The following ZNF676 variants were observed in gnomAD, a reference collection of about 807,000 sequenced individuals.
The protein encoded by ZNF676 is zinc finger protein 676.
Under a neutral mutation model 6.0 loss-of-function variants are expected in ZNF676, and 4 were observed. The ratio of observed to expected loss-of-function variants is 0.67; its 90% confidence interval spans 0.33 to 1.53. The LOEUF is 1.53. Among genes scored for constraint, ZNF676 ranks in the 40% most tolerant of loss-of-function variants. The pLI, the probability that ZNF676 is intolerant of heterozygous loss-of-function variation, is 0.06. For missense variants in ZNF676, 644 were observed against 679.7 expected (o/e 0.95, Z 0.58); for synonymous variants, 198 against 223.1 (o/e 0.89, Z 1.00).
intron 2 of ZNF676, among the ~76,000 whole-genome samples, chr19:22,183,668 C>T (rs1407895232): frequency 3.9e-5 from 6 of 152,168 alleles, no homozygotes; most frequent in African/African-American, 4.8e-5. Context: ...TATCAAGATC[C>T]AACTTGCCTT....
chr19:22,240,099 G>C, the ZNF676 span, among the ~76,000 whole-genome samples: 1 of 152,278 alleles, frequency 6.6e-6, no homozygotes, highest in South Asian at 2.1e-4. Context: ...TAAATGCTGG[G>C]CCTGGCCATA....
chr19:22,182,663 TAAAAG>T (rs1166193372), intron 2 of ZNF676, among the ~76,000 whole-genome samples: 1 of 80,168 alleles, frequency 1.2e-5, no homozygotes, highest in Non-Finnish European at 2.4e-5. Flanking sequence ...CTGTCCTGCC[TAAAAG>T]AAAAAAAAAA....
chr19:22,227,675 G>A, the ZNF676 span, among the ~76,000 whole-genome samples: 7 of 152,116 alleles, frequency 4.6e-5, no homozygotes, highest in Non-Finnish European at 7.4e-5. Flanking sequence ...ATAATCAAGA[G>A]GGTATTGGCA....
At chr19:22,223,973 C>T in the ZNF676 span, among the ~76,000 whole-genome samples, 9 of 151,106 alleles carry the variant, frequency 6.0e-5, no homozygotes, top group East Asian at 1.9e-4. Flanking sequence ...GCATATATAA[C>T]GATGAAATTT....
At chr19:22,189,428 C>T (rs1804882563) in intron 2 of ZNF676, among the ~76,000 whole-genome samples, 1 of 151,968 alleles carries the variant, frequency 6.6e-6, no homozygotes, top group Non-Finnish European at 1.5e-5. Context: ...TAGAAGAAAA[C>T]CTAGAGAATA....
At chr19:22,251,714 GGAGCCAGAGTTGCAGT>G in the ZNF676 span, among the ~76,000 whole-genome samples, 14 of 151,240 alleles carry the variant, frequency 9.3e-5, no homozygotes, top group African/African-American at 3.4e-4. Context: ...CTTGAACCTG[GGAGCCAGAGTTGCAGT>G]GAGCCAAGAT....
upstream of ZNF676, among the ~76,000 whole-genome samples, chr19:22,217,341 TTA>T (rs1373596197): frequency 6.6e-6 from 1 of 152,146 alleles, no homozygotes; most frequent in Non-Finnish European, 1.5e-5. Flanking sequence ...GTATCTGGGA[TTA>T]TAGGCATGTG....
At chr19:22,182,594 A>AAAAAAAAAAAAAAC (rs2023774097) in intron 2 of ZNF676, among the ~76,000 whole-genome samples, 3 of 88,730 alleles carry the variant, frequency 3.4e-5, no homozygotes, top group African/African-American at 4.7e-5. Context: ...CTAAAAAAAA[A>AAAAAAAAAAAAAAC]AAAAAAAAGC....
chr19:22,192,785 T>G (rs769422851), intron 2 of ZNF676, among the ~76,000 whole-genome samples: 1 of 152,190 alleles, frequency 6.6e-6, no homozygotes, highest in Non-Finnish European at 1.5e-5. Context: ...ACTTTGGCTA[T>G]CACTGTAAAC....
In ZNF676 at chr19:22,180,701, C is replaced by T; in HGVS notation, c.1016G>A (p.Cys339Tyr). ...ATTAAAAGCTTTCCCGCATTCTTCA[C>T]ATTTGTAGGGTTTCTCTCCAGCATG... ...RIHAGEKPYK[C>Y]EECGKAFNRS... The change falls in exon 3 of 3, where the codon TGT becomes TAT. Residue 339 changes from cysteine to tyrosine, a missense_variant. Cys to Tyr is a radical substitution (Grantham distance 194). Around this residue, in one of 5 missense-constraint regions of ZNF676, gnomAD observed 29 missense variants for 44.4 expected, o/e 0.65. Coordinates refer to ENST00000397121, the MANE Select transcript of ZNF676 (RefSeq NM_001001411.3). 1 of 1,612,128 alleles carries T rather than the reference C, an allele frequency of 6.2e-7. No individual in the cohort carries two copies. Among genetic ancestry groups the T allele is most frequent in the African/African-American group, 1.3e-5 (1 of 74,662 alleles).
rs191367854 is a variant in ZNF676, at chr19:22,209,956, T to C, written c.3+5676A>G. On this transcript the variant is annotated intron_variant, in intron 1 of 3. Transcript: ENST00000650058. ...GGGTGGTGCCTTGTCCAGAGAGGGG[T>C]GTGGACACATCAATGTCTAGTGGGT... 1.3e-3 allele frequency among the ~76,000 whole-genome samples: 204 copies of C among 152,062 alleles called. 1 individual carries two copies. Among genetic ancestry groups the C allele is most frequent in the African/African-American group, 4.5e-3 (187 of 41,480 alleles).
At chr19:22,242,935 G>A in the ZNF676 span, among the ~76,000 whole-genome samples, 1 of 151,872 alleles carries the variant, frequency 6.6e-6, no homozygotes, top group African/African-American at 2.4e-5. Flanking sequence ...GTCCCAGAAA[G>A]GAGAGTCCCA....
chr19:22,181,455 C>T lies in ZNF676; in HGVS notation c.262G>A (p.Val88Met). The change falls in exon 3 of 3, where the codon GTG becomes ATG. Residue 88 changes from valine to methionine, a missense_variant. Val to Met is a conservative substitution (Grantham distance 21, BLOSUM62 1). Coordinates refer to ENST00000397121, the MANE Select transcript of ZNF676 (RefSeq NM_001001411.3). ...NLHLKISCTN[V>M]DECNVHKEGY... ...TCTTTGTGCACGTTACACTCATCCA[C>T]ATTGGTACAACTAATTTTTAAGTGT... The T allele has an allele frequency of 6.2e-7, 1 of 1,613,676 alleles. No individual in the cohort carries two copies. Among genetic ancestry groups the T allele is most frequent in the South Asian group, 1.1e-5 (1 of 91,046 alleles).
the ZNF676 span, among the ~76,000 whole-genome samples, chr19:22,222,465 C>T: frequency 5.9e-5 from 9 of 152,032 alleles, no homozygotes; most frequent in African/African-American, 2.2e-4. Flanking sequence ...CAAACAGCAA[C>T]TTTTTATTTA....
chr19:22,220,986 A>G, the ZNF676 span, among the ~76,000 whole-genome samples: 1 of 152,160 alleles, frequency 6.6e-6, no homozygotes, highest in African/African-American at 2.4e-5. Context: ...TAATCTTACT[A>G]ATAGTCTATC....
chr19:22,236,526 G>C, the ZNF676 span, among the ~76,000 whole-genome samples: 1 of 152,120 alleles, frequency 6.6e-6, no homozygotes, highest in Non-Finnish European at 1.5e-5. Flanking sequence ...TAAAAGGCCA[G>C]AGATCTCCTT....
At chr19:22,198,958 CA>C (rs2023998452), upstream of ZNF676, among the ~76,000 whole-genome samples, 1 of 150,720 alleles carries the variant, frequency 6.6e-6, no homozygotes, top group African/African-American at 2.5e-5. Flanking sequence ...ATTCTGGCCT[CA>C]CCTTAGAGTC....
chr19:22,253,408 ATATATATATGATAATG>A, the ZNF676 span, among the ~76,000 whole-genome samples: 1 of 62,928 alleles, frequency 1.6e-5, no homozygotes, highest in African/African-American at 4.6e-5. Context: ...TAATGTGTAT[ATATATATATGATAATG>A]TATATATATA....
chr19:22,208,646 A>G (rs1312074241), intron 1 of ZNF676, among the ~76,000 whole-genome samples: 1 of 152,222 alleles, frequency 6.6e-6, no homozygotes, highest in African/African-American at 2.4e-5. Context: ...GGTAGACTGG[A>G]TACAGAAAAT....
Sources: allele counts gnomAD v4.1 joint callset (sites outside exome capture counted in the v4.1 genomes callset), GRCh38; gene constraint gnomAD v4.1.1; regional missense constraint gnomAD v4.1.1; transcripts MANE v1.5; gene names NCBI Gene and HGNC (gene_info 2026-07-23, HGNC 2026-07-21).